SCAPER: variants seen among roughly 807,000 people sequenced by gnomAD.
The protein encoded by SCAPER is S phase cyclin A-associated protein in the endoplasmic reticulum.
Under a neutral mutation model 182.2 loss-of-function variants are expected in SCAPER, and 98 were observed. The observed-to-expected ratio is 0.54, with a 90% CI of 0.46 to 0.64. The LOEUF (loss-of-function observed/expected upper bound fraction) is 0.64. SCAPER is among the 30% of genes least tolerant of loss of function. The pLI is 0.00. For missense variants in SCAPER, 1,432 were observed against 1,690.0 expected (o/e 0.85, Z 2.68); for synonymous variants, 605 against 564.6 (o/e 1.07, Z -1.01).
rs527841587 is a variant in SCAPER at position 76,875,515 on chromosome 15, C to T, written c.6+8297G>A. On this transcript the variant is annotated intron_variant, in intron 2 of 31. Transcript: ENST00000563290. Reference sequence around the variant, plus strand: ...AAAACTTAGCGGGCGTGGTGGTACGCGCCTGTAATTCCAGCTACTCAGGAG... The same window carrying T: ...AAAACTTAGCGGGCGTGGTGGTACGTGCCTGTAATTCCAGCTACTCAGGAG... Among the ~76,000 whole-genome samples, 14 of 152,210 alleles carry T rather than the reference C, an allele frequency of 9.2e-5. No individual in the cohort carries two copies. In the South Asian group the frequency reaches 1.2e-3, roughly 14 times the overall value.
chr15:76,436,622 GA>G (rs1376202220), intron 25 of SCAPER, among the ~76,000 whole-genome samples: 1 of 151,456 alleles, frequency 6.6e-6, no homozygotes, highest in Non-Finnish European at 1.5e-5. Context: ...CTTTTTAAAA[GA>G]TTTTTTTTTT....
At chr15:76,599,060 T>A (rs1433906598) in intron 22 of SCAPER, among the ~76,000 whole-genome samples, 1 of 119,900 alleles carries the variant, frequency 8.3e-6, no homozygotes, top group Non-Finnish European at 2.0e-5. Context: ...TATATAGATA[T>A]CTACAATTCA....
At chr15:76,708,532 AAATC>A (rs1265681891) in intron 17 of SCAPER, among the ~76,000 whole-genome samples, 1 of 152,110 alleles carries the variant, frequency 6.6e-6, no homozygotes, top group Non-Finnish European at 1.5e-5. Flanking sequence ...AAATAGTTTC[AAATC>A]AATCAACTAA....
At chr15:76,618,085 C>T (rs1161368481) in intron 22 of SCAPER, among the ~76,000 whole-genome samples, 4 of 152,058 alleles carry the variant, frequency 2.6e-5, no homozygotes, top group Admixed American at 2.6e-4. Context: ...CCTGGTGAAA[C>T]CCCGTCTCTA....
intron 14 of SCAPER, among the ~76,000 whole-genome samples, chr15:76,760,875 T>C (rs1278230491): frequency 6.6e-6 from 1 of 152,220 alleles, no homozygotes; most frequent in Non-Finnish European, 1.5e-5. Context: ...ATAATATTTC[T>C]TATTTCACAA....
chr15:76,426,734 A>G (rs959053274), intron 26 of SCAPER, among the ~76,000 whole-genome samples: 2 of 152,222 alleles, frequency 1.3e-5, no homozygotes, highest in Non-Finnish European at 2.9e-5. Flanking sequence ...ATAGAGAACC[A>G]AAACAAAACA....
chr15:76,361,115 T>G lies in SCAPER; in HGVS notation c.3856-6975A>C, dbSNP rs2041383379. Among the ~76,000 whole-genome samples the G allele has an allele frequency of 2.6e-5, 4 of 152,066 alleles. No homozygotes were observed. In the South Asian group the frequency reaches 6.2e-4, roughly 24 times the overall value. On this transcript the variant is annotated intron_variant, in intron 29 of 31. Transcript: ENST00000563290. ...ATTCTCCTGGAGAGAGTTTGCAGAT[T>G]TCACATTTGTAAAATGACAACTGTC...
At chr15:76,662,789 A>G (rs2056297600) in intron 21 of SCAPER, among the ~76,000 whole-genome samples, 1 of 152,158 alleles carries the variant, frequency 6.6e-6, no homozygotes, top group Admixed American at 6.6e-5. Flanking sequence ...CCCATACTTT[A>G]TATCATGCCT....
At chr15:76,801,337 CT>C (rs2065773814) in intron 6 of SCAPER, among the ~76,000 whole-genome samples, 2 of 152,106 alleles carry the variant, frequency 1.3e-5, no homozygotes, top group African/African-American at 4.8e-5. Context: ...TGTTCTCTTC[CT>C]ATTTAATCAG....
intron 23 of SCAPER, among the ~76,000 whole-genome samples, chr15:76,535,319 C>T (rs982435648): frequency 4.0e-5 from 6 of 151,474 alleles, no homozygotes; most frequent in Admixed American, 2.0e-4. Context: ...GTCAGGAGAT[C>T]GAGACCATCC....
intron 26 of SCAPER, among the ~76,000 whole-genome samples, chr15:76,429,980 T>C (rs284891): frequency 0.35 from 52,702 of 151,896 alleles, 9,361 homozygotes; most frequent in Admixed American, 0.42. Flanking sequence ...CTCTGTGCAG[T>C]CTAGGGACTT....
chr15:76,582,515 T>C (rs2048339471), intron 22 of SCAPER, among the ~76,000 whole-genome samples: 1 of 152,234 alleles, frequency 6.6e-6, no homozygotes, highest in Non-Finnish European at 1.5e-5. Context: ...CTATATTATA[T>C]GAAGTAATCT....
At chr15:76,584,197 A>G (rs1284718902) in intron 22 of SCAPER, among the ~76,000 whole-genome samples, 1 of 152,214 alleles carries the variant, frequency 6.6e-6, no homozygotes, top group African/African-American at 2.4e-5. Flanking sequence ...GTTTTCACTT[A>G]TGTTTGGGAG....
chr15:76,877,604 G>A (rs1270456487), intron 2 of SCAPER, among the ~76,000 whole-genome samples: 1 of 152,208 alleles, frequency 6.6e-6, no homozygotes, highest in Non-Finnish European at 1.5e-5. Flanking sequence ...GTGATGTACT[G>A]AGGACACATC....
At position 76,376,237 on chromosome 15, in the gene SCAPER, T is replaced by C. The variant is rs374019205; in HGVS notation, c.3780A>G (p.Gln1260=). The C allele has an allele frequency of 4.3e-4, 693 of 1,614,020 alleles. 3 individuals carry two copies. The African/African-American group carries it at 8.5e-3, about 20-fold the overall frequency. The change falls in exon 29 of 32, where the codon CAA becomes CAG. Residue 1260 remains glutamine (Q), a synonymous_variant. Transcript: ENST00000563290. ...CATGAAGGAGGCTTTCACAGGAGAC[T>C]TGGCTGCAGTGGCCCAGCAGGGAGC... ...MASSLLGHCS[Q]VSCESLLHEV...
Position 76,758,324 on chromosome 15 carries a change from C to A in SCAPER, c.1726-4376G>T, listed in dbSNP as rs2062572573. Among the ~76,000 whole-genome samples the A allele has an allele frequency of 3.3e-5, 5 of 152,240 alleles. No homozygotes were observed. In the South Asian group the frequency reaches 1.0e-3, roughly 32 times the overall value. On this transcript the variant is annotated intron_variant, in intron 14 of 31. Transcript: ENST00000563290. ...ACGTGGATACCCAGTATTCCCAATA[C>A]CCTTTGTTGAAAAGATTATGCTTTC...
At chr15:76,670,313 TTGCTA>T (rs2056920164) in intron 20 of SCAPER, among the ~76,000 whole-genome samples, 1 of 152,108 alleles carries the variant, frequency 6.6e-6, no homozygotes, top group South Asian at 2.1e-4. Context: ...ATTTTTAAAT[TTGCTA>T]TATTTGATAT....
intron 23 of SCAPER, among the ~76,000 whole-genome samples, chr15:76,523,205 G>A (rs2042952157): frequency 6.6e-6 from 1 of 151,756 alleles, no homozygotes; most frequent in Admixed American, 6.6e-5. Context: ...CCTTATAAAG[G>A]GGTTCACACT....
intron 22 of SCAPER, among the ~76,000 whole-genome samples, chr15:76,617,396 G>T (rs1056555667): frequency 6.6e-6 from 1 of 152,160 alleles, no homozygotes; most frequent in Non-Finnish European, 1.5e-5. Flanking sequence ...CTTTGTCGTT[G>T]CATCAGTAAT....
Sources: allele counts gnomAD v4.1 joint callset (sites outside exome capture counted in the v4.1 genomes callset), GRCh38; gene constraint gnomAD v4.1.1; transcripts MANE v1.5; gene names NCBI Gene and HGNC (gene_info 2026-07-23, HGNC 2026-07-21).